The following KIF26B variants were observed in gnomAD, a reference collection of about 807,000 sequenced individuals.
The protein encoded by KIF26B is kinesin family member 26B.
A neutral mutation model predicts 151.2 loss-of-function variants in KIF26B; 63 were observed. The ratio of observed to expected loss-of-function variants is 0.42; its 90% CI spans 0.34 to 0.51. The LOEUF is 0.51. Among genes scored for constraint, KIF26B ranks in the 20% least tolerant of loss-of-function variants. The pLI, the probability that KIF26B is intolerant of heterozygous loss-of-function variation, is 0.07. For synonymous variants in KIF26B, 1,357 were observed against 1,262.1 expected (o/e 1.08, Z -1.59); for missense variants, 2,813 against 2,913.6 (o/e 0.97, Z 0.79).
intron 10 of KIF26B, among the ~76,000 whole-genome samples, chr1:245,679,011 C>G (rs1354489542): frequency 1.3e-5 from 2 of 152,062 alleles, no homozygotes; most frequent in Non-Finnish European, 2.9e-5. Context: ...GTAGTCAGGA[C>G]CTGCATTCTC....
chr1:245,322,520 A>C (rs1558388481), intron 2 of KIF26B, among the ~76,000 whole-genome samples: 1 of 152,212 alleles, frequency 6.6e-6, no homozygotes, highest in Non-Finnish European at 1.5e-5. Flanking sequence ...TTTGTGATTG[A>C]AGAAACGAAT....
intron 2 of KIF26B, among the ~76,000 whole-genome samples, chr1:245,265,076 C>G (rs958253449): frequency 5.3e-5 from 8 of 151,880 alleles, no homozygotes; most frequent in Admixed American, 2.0e-4. Flanking sequence ...GTGGCTGGCG[C>G]CTGTAGTCCC....
intron 9 of KIF26B, among the ~76,000 whole-genome samples, chr1:245,644,182 T>G (rs1392889866): frequency 6.6e-6 from 1 of 152,066 alleles, no homozygotes; most frequent in African/African-American, 2.4e-5. Flanking sequence ...TATTTGTTGT[T>G]TTTTTTCCCT....
chr1:245,173,637 C>T (rs1359960306), intron 2 of KIF26B, among the ~76,000 whole-genome samples: 2 of 152,216 alleles, frequency 1.3e-5, no homozygotes, highest in Non-Finnish European at 1.5e-5. Context: ...GCACTCACTG[C>T]ACAGCCCTTC....
rs1450274191 is a variant in KIF26B at position 245,560,405 on chromosome 1, T to C, written c.1350+19455T>C. ...ACAGCTTGCTATTTTCTTTCTTTCC[T>C]GTGAGATAAAAATGTACCTTATGGT... On this transcript the variant is annotated intron_variant, in intron 5 of 14. Coordinates refer to ENST00000407071, the MANE Select transcript of KIF26B (RefSeq NM_018012.4). The surrounding 1 kb of genome is among the most constrained non-coding windows in gnomAD (Gnocchi z 4.3). 3.9e-5 allele frequency among the ~76,000 whole-genome samples: 6 copies of C among 152,170 alleles called. No individual in the cohort carries two copies. Among genetic ancestry groups the C allele is most frequent in the Non-Finnish European group, 8.8e-5 (6 of 68,020 alleles).
chr1:245,515,723 C>A (rs1660947151), intron 4 of KIF26B, among the ~76,000 whole-genome samples: 1 of 152,182 alleles, frequency 6.6e-6, no homozygotes, highest in South Asian at 2.1e-4. Context: ...GCAGGCCAGG[C>A]TTTATGTGGG....
chr1:245,410,685 A>G (rs1176712652), intron 3 of KIF26B, among the ~76,000 whole-genome samples: 1 of 152,192 alleles, frequency 6.6e-6, no homozygotes, highest in East Asian at 1.9e-4. Context: ...CCTGAGCTCA[A>G]GCAATCTGTC....
rs541178731 is a variant in KIF26B at position 245,247,406 on chromosome 1, C to T, written c.465+90723C>T. Among the ~76,000 whole-genome samples, 278 of 152,152 alleles carry T rather than the reference C, an allele frequency of 1.8e-3. 1 individual carries two copies. Among genetic ancestry groups the T allele is most frequent in the Non-Finnish European group, 2.6e-3 (177 of 68,014 alleles). On this transcript the variant is annotated intron_variant, in intron 2 of 14. Coordinates refer to ENST00000407071, the MANE Select transcript of KIF26B (RefSeq NM_018012.4). ...CTGGGCAGGGAAGGTGGCAATCAGC[C>T]GAGATCCTGCCAATGTACCCCAGCC...
intron 4 of KIF26B, among the ~76,000 whole-genome samples, chr1:245,446,707 C>A (rs978889895): frequency 6.6e-6 from 1 of 152,184 alleles, no homozygotes. Flanking sequence ...GGGCAGTTAA[C>A]TCTTATGTGA....
At position 245,606,721 on chromosome 1, in the gene KIF26B, A is replaced by G. The variant is rs1572153997; in HGVS notation, c.1558-930A>G. 6.6e-6 allele frequency among the ~76,000 whole-genome samples: 1 copy of G among 152,196 alleles called. No homozygotes were observed. Among genetic ancestry groups the G allele is most frequent in the Non-Finnish European group, 1.5e-5 (1 of 68,032 alleles). ...CATACCATGTGGTGACTGATACTCT[A>G]TATGTTGAATGTATCTGTAGCAAAA... On this transcript the variant is annotated intron_variant, in intron 6 of 14. Coordinates refer to ENST00000407071, the MANE Select transcript of KIF26B (RefSeq NM_018012.4). The surrounding 1 kb of genome is among the most constrained non-coding windows in gnomAD (Gnocchi z 4.6).
chr1:245,326,017 A>T (rs1671984254), intron 2 of KIF26B, among the ~76,000 whole-genome samples: 2 of 152,182 alleles, frequency 1.3e-5, no homozygotes, highest in Admixed American at 1.3e-4. Context: ...ACTGGATTTG[A>T]TGCAGGGCAG....
In KIF26B at chr1:245,184,050, G is replaced by GTTTTTTGTTTTTTTTTTTTTTTTTTTTT. The variant is rs1553332272; in HGVS notation, c.465+27373_465+27374insGTTTTTTTTTTTTTTTTTTTTTTTTTTT. Among the ~76,000 whole-genome samples the GTTTTTTGTTTTTTTTTTTTTTTTTTTTT allele has an allele frequency of 3.6e-3, 71 of 19,814 alleles. 7 individuals are homozygous for GTTTTTTGTTTTTTTTTTTTTTTTTTTTT. The highest frequency in any genetic ancestry group is 4.2e-3 in the Admixed American group (4 of 960). The allele number at this position is 19,814 out of a possible 152,430, so 13.0% of individuals were successfully genotyped here. ...GCAACAGGTATGGGTGGGAGTTGTTGTTTTTTTTTTTTTTTTTTTGAGCTT... is the reference window on the plus strand; with the variant it reads ...GCAACAGGTATGGGTGGGAGTTGTTGTTTTTTGTTTTTTTTTTTTTTTTTTTTTTTTTTTTTTTTTTTTTTTTGAGCTT... On this transcript the variant is annotated intron_variant, in intron 2 of 14. Coordinates refer to ENST00000407071, the MANE Select transcript of KIF26B (RefSeq NM_018012.4).
chr1:245,618,313 C>T (rs1467503889), intron 9 of KIF26B, among the ~76,000 whole-genome samples: 4 of 152,150 alleles, frequency 2.6e-5, no homozygotes, highest in African/African-American at 7.2e-5. Flanking sequence ...TGCCACAGTG[C>T]CAGGGCTGTG....
rs1428759524 is a variant in KIF26B at position 245,560,231 on chromosome 1, AT to A, written c.1350+19283del. On this transcript the variant is annotated intron_variant, in intron 5 of 14. Transcript: ENST00000407071. The surrounding 1 kb of genome is among the most constrained non-coding windows in gnomAD (Gnocchi z 4.3). ...GATACATAGATGCTCATTCGCTTCA[AT>A]TCATTGAACATCTGCTACTGGCCAG... 2.0e-5 allele frequency among the ~76,000 whole-genome samples: 3 copies of A among 152,062 alleles called. No individual in the cohort carries two copies. The highest frequency in any genetic ancestry group is 7.2e-5 in the African/African-American group (3 of 41,380).
At position 245,244,095 on chromosome 1, in the gene KIF26B, C is replaced by T. The variant is rs1414759576; in HGVS notation, c.465+87412C>T. On this transcript the variant is annotated intron_variant, in intron 2 of 14. Coordinates refer to ENST00000407071, the MANE Select transcript of KIF26B (RefSeq NM_018012.4). This position sits in a 1 kb window ranked among gnomAD's most constrained non-coding sequence, Gnocchi z 4.2. Reference sequence around the variant, plus strand: ...TTGAGTAGCTAGGACTACAGGCATGCACCATCATGCCTGGCTAATTTTTAT... The same window carrying T: ...TTGAGTAGCTAGGACTACAGGCATGTACCATCATGCCTGGCTAATTTTTAT... 6.6e-6 allele frequency among the ~76,000 whole-genome samples: 1 copy of T among 151,940 alleles called. No homozygotes were observed. The highest frequency in any genetic ancestry group is 1.5e-5 in the Non-Finnish European group (1 of 68,014).
chr1:245,691,156 T>G (rs530032019), intron 12 of KIF26B, among the ~76,000 whole-genome samples: 2 of 151,500 alleles, frequency 1.3e-5, no homozygotes, highest in East Asian at 1.9e-4. Flanking sequence ...CAGGTTTTTG[T>G]TTTTTTCCCC....
intron 10 of KIF26B, among the ~76,000 whole-genome samples, chr1:245,664,139 C>A (rs894513436): frequency 1.3e-5 from 2 of 152,126 alleles, no homozygotes; most frequent in African/African-American, 4.8e-5. Flanking sequence ...GAGGCCGAGG[C>A]AGGCAGATCA....
intron 2 of KIF26B, among the ~76,000 whole-genome samples, chr1:245,341,576 C>T (rs895034941): frequency 1.3e-5 from 2 of 152,254 alleles, no homozygotes; most frequent in South Asian, 2.1e-4. Context: ...CCCCCCTTGG[C>T]GTCCCAAAGT....
In KIF26B at chr1:245,687,387, C is replaced by T. The variant is rs761839250; in HGVS notation, c.4404C>T (p.Gly1468=). 1 of 1,587,782 alleles carries T rather than the reference C, an allele frequency of 6.3e-7. No individual in the cohort carries two copies. Among genetic ancestry groups the T allele is most frequent in the Non-Finnish European group, 8.6e-7 (1 of 1,167,484 alleles). ...EGMMRCETAT[G]PSNAETRAEQ... is the part of the protein sequence containing the mutation. ...TGATGAGGTGTGAGACTGCCACGGG[C>T]CCCTCGAATGCTGAGACCAGAGCAG... The change falls in exon 12 of 15, where the codon GGC becomes GGT. Residue 1468 remains glycine, a synonymous_variant. Transcript: ENST00000407071. This position sits in a 1 kb window ranked among gnomAD's most constrained non-coding sequence, Gnocchi z 4.9.
Sources: allele counts gnomAD v4.1 joint callset (sites outside exome capture counted in the v4.1 genomes callset), GRCh38; gene constraint gnomAD v4.1.1; non-coding constraint Gnocchi (gnomAD v3.1); transcripts MANE v1.5; gene names NCBI Gene and HGNC (gene_info 2026-07-23, HGNC 2026-07-21).